The following PACRGL variants were observed in gnomAD, a reference collection of about 807,000 sequenced individuals.
PACRGL encodes the protein parkin coregulated like, also known as PACRG-like protein.
Under a neutral mutation model 34.5 loss-of-function variants are expected in PACRGL, and 38 were observed. That is an observed-to-expected ratio of 1.10 (90% CI 0.85 to 1.44). PACRGL has a LOEUF of 1.44. Among genes scored for constraint, PACRGL ranks in the 40% most tolerant of loss-of-function variants. The pLI is 0.00. For missense variants in PACRGL, 305 were observed against 281.4 expected (o/e 1.08, Z -0.60); for synonymous variants, 128 against 100.1 (o/e 1.28, Z -1.66).
At chr4:20,745,534 A>G (rs898742548) in intron 8 of PACRGL, among the ~76,000 whole-genome samples, 1 of 152,112 alleles carries the variant, frequency 6.6e-6, no homozygotes, top group African/African-American at 2.4e-5. Context: ...CTTAACAACA[A>G]CTCTCAATGA....
At chr4:20,708,440 CACA>C (rs199686284) in intron 4 of PACRGL, among the ~76,000 whole-genome samples, 3,787 of 152,128 alleles carry the variant, frequency 0.025, 159 homozygotes, top group African/African-American at 0.087. Flanking sequence ...TGGAAATAAT[CACA>C]ACATTTATTT....
downstream of PACRGL, chr4:20,732,743 T>G: frequency 1.2e-6 from 2 of 1,612,442 alleles, no homozygotes; most frequent in East Asian, 2.2e-5. Flanking sequence ...TATGTACATT[T>G]ACCCATCATA....
upstream of PACRGL, among the ~76,000 whole-genome samples, chr4:20,698,614 T>C (rs939273945): frequency 2.0e-5 from 3 of 152,194 alleles, no homozygotes; most frequent in East Asian, 1.9e-4. Context: ...AATATCCTGA[T>C]AGAGTTGCAA....
chr4:20,735,321 G>A (rs7686752), downstream of PACRGL, among the ~76,000 whole-genome samples: 600 of 152,050 alleles, frequency 3.9e-3, 4 homozygotes, highest in African/African-American at 0.013. Flanking sequence ...CTCAATTTTC[G>A]TATCTGTAAA....
Position 20,737,762 on chromosome 4 carries a change from A to G in PACRGL, c.*56+10365A>G, listed in dbSNP as rs140218692. On this transcript the variant is annotated intron_variant, in intron 8 of 8. Transcript: ENST00000507634. Reference sequence around the variant, plus strand: ...TCAAATTATTTCCCTGCCATATTTTAGAAAATTATTTATGACATAGAATGT... The same window carrying G: ...TCAAATTATTTCCCTGCCATATTTTGGAAAATTATTTATGACATAGAATGT... 1.5e-4 allele frequency among the ~76,000 whole-genome samples: 23 copies of G among 152,328 alleles called. No individual in the cohort carries two copies. The East Asian group carries it at 4.4e-3, about 29-fold the overall frequency.
At chr4:20,759,864 C>T in the PACRGL span, among the ~76,000 whole-genome samples, 1 of 152,126 alleles carries the variant, frequency 6.6e-6, no homozygotes, top group Admixed American at 6.6e-5. Flanking sequence ...GAGATATTAA[C>T]TGTATGGTGA....
chr4:20,704,567 A>T (rs902883773), intron 2 of PACRGL, 34 bp downstream of exon 2: 1 of 1,613,640 alleles, frequency 6.2e-7, no homozygotes, highest in Non-Finnish European at 8.5e-7. Context: ...GAAGAGGTCA[A>T]GTTTGTTCAT....
At chr4:20,734,743 G>T (rs758036130), downstream of PACRGL, 82 of 1,490,688 alleles carry the variant, frequency 5.5e-5, no homozygotes, top group South Asian at 1.4e-4. Flanking sequence ...ATCCTGAAAA[G>T]AAATAAAAAT....
rs769741236 is a variant in PACRGL at position 20,731,781 on chromosome 4, T to C, written c.*4440T>C. On this transcript the variant is annotated 3_prime_UTR_variant, in exon 9 of 9. Transcript: ENST00000503585. ...CAACACAGTACATGTACAACTTTTG[T>C]ATCCCCAGGGTTTCCTCCATAGCCT... The C allele has an allele frequency of 2.0e-6, 2 of 985,440 alleles. No homozygotes were observed. The highest frequency in any genetic ancestry group is 2.4e-6 in the Non-Finnish European group (2 of 829,930). The allele number at this position is 985,440 out of a possible 1,614,324, so 61.0% of individuals were successfully genotyped here.
At position 20,701,694 on chromosome 4, in the gene PACRGL, A is replaced by G. The variant is rs114562840; in HGVS notation, c.-17+907A>G. ...TGGATATTATTTTAAAAAATTGACT[A>G]CATTTCCCGTCGTCCCTTGGTGTCC... On this transcript the variant is annotated intron_variant, in intron 1 of 8. Transcript: ENST00000503585. 726 of 334,830 alleles carry G rather than the reference A, an allele frequency of 2.2e-3. 9 individuals carry two copies. Among genetic ancestry groups the G allele is most frequent in the African/African-American group, 0.014 (672 of 46,510 alleles). 20.7% of individuals were successfully genotyped at this position (334,830 alleles called of 1,614,324 possible). A position where few individuals can be genotyped will look rare whatever the true frequency, so the allele number is the denominator to read the frequency against.
At chr4:20,710,797 A>T (rs1736792018) in intron 5 of PACRGL, among the ~76,000 whole-genome samples, 1 of 146,686 alleles carries the variant, frequency 6.8e-6, no homozygotes, top group Non-Finnish European at 1.5e-5. Flanking sequence ...GTTACTAGCA[A>T]AAACTATAAG....
intron 1 of PACRGL, among the ~76,000 whole-genome samples, chr4:20,703,514 G>C (rs62410103): frequency 6.9e-6 from 1 of 144,506 alleles, no homozygotes; most frequent in African/African-American, 2.5e-5. Flanking sequence ...GTGTGTGTTT[G>C]TGTGTGTGTA....
intron 7 of PACRGL, among the ~76,000 whole-genome samples, chr4:20,722,404 G>C (rs6447971): frequency 0.51 from 77,329 of 152,068 alleles, 20,287 homozygotes; most frequent in African/African-American, 0.62. Flanking sequence ...AATCACCTGT[G>C]TTTTGCGTCA....
chr4:20,717,969 A>G (rs1452547927), intron 7 of PACRGL, among the ~76,000 whole-genome samples: 3 of 152,192 alleles, frequency 2.0e-5, no homozygotes, highest in African/African-American at 7.2e-5. Flanking sequence ...ATCCATGAGT[A>G]TGGAATCTTC....
At chr4:20,740,598 T>C (rs1201776843) in intron 8 of PACRGL, among the ~76,000 whole-genome samples, 3 of 152,148 alleles carry the variant, frequency 2.0e-5, no homozygotes, top group East Asian at 3.9e-4. Flanking sequence ...AAGGAACAAC[T>C]GATACCAGCC....
At chr4:20,749,493 A>G (rs1753183884) in intron 8 of PACRGL, among the ~76,000 whole-genome samples, 1 of 152,186 alleles carries the variant, frequency 6.6e-6, no homozygotes, top group Admixed American at 6.5e-5. Flanking sequence ...TGTGGCTTGC[A>G]ATTTGTACAT....
chr4:20,708,492 G>C (rs1332721950), intron 4 of PACRGL, among the ~76,000 whole-genome samples: 2 of 151,832 alleles, frequency 1.3e-5, no homozygotes, highest in Non-Finnish European at 2.9e-5. Flanking sequence ...GTTTTTAATG[G>C]TATTTTCGGA....
At chr4:20,743,187 A>G (rs918014724) in intron 8 of PACRGL, among the ~76,000 whole-genome samples, 7 of 152,192 alleles carry the variant, frequency 4.6e-5, no homozygotes, top group African/African-American at 1.7e-4. Context: ...ACATGGCCAT[A>G]CTGCCCAAGG....
Position 20,729,860 on chromosome 4 carries a change from G to GAGTT in PACRGL, c.*2522_*2525dup, listed in dbSNP as rs368828030. 958 of 435,582 alleles carry GAGTT rather than the reference G, an allele frequency of 2.2e-3. 4 individuals are homozygous for GAGTT. The highest frequency in any genetic ancestry group is 2.5e-3 in the Middle Eastern group (4 of 1,626). 27.0% of individuals were successfully genotyped at this position (435,582 alleles called of 1,614,324 possible). Reference sequence around the variant, plus strand: ...TTTGAATATTCACAGAGTATGAAATGAGTTAGACCATCCCCTGAACTCAGT... The same window carrying GAGTT: ...TTTGAATATTCACAGAGTATGAAATGAGTTAGTTAGACCATCCCCTGAACTCAGT... On this transcript the variant is annotated 3_prime_UTR_variant, in exon 9 of 9. Coordinates refer to ENST00000503585, the MANE Select transcript of PACRGL (RefSeq NM_001258345.3).
Sources: allele counts gnomAD v4.1 joint callset (sites outside exome capture counted in the v4.1 genomes callset), GRCh38; gene constraint gnomAD v4.1.1; transcripts MANE v1.5; gene names NCBI Gene and HGNC (gene_info 2026-07-23, HGNC 2026-07-21).